Variants in PI4K2A observed in about 807,000 individuals in gnomAD.
PI4K2A encodes phosphatidylinositol 4-kinase type 2-alpha.
A neutral mutation model predicts 55.0 loss-of-function variants in PI4K2A; 20 were observed. That is an observed-to-expected ratio of 0.36 (90% CI 0.26 to 0.53). PI4K2A has a LOEUF of 0.53. Among genes scored for constraint, PI4K2A ranks in the 20% least tolerant of loss-of-function variants. The pLI, the probability that PI4K2A is intolerant of heterozygous loss-of-function variation, is 0.91. For synonymous variants in PI4K2A, 235 were observed against 258.5 expected, an observed-to-expected ratio of 0.91 and a Z score of 0.87; for missense variants, 463 against 637.1, an observed-to-expected ratio of 0.73 and a Z score of 2.94.
intron 1 of PI4K2A, among the ~76,000 whole-genome samples, chr10:97,643,182 C>T (rs1049288541): frequency 2.0e-5 from 3 of 151,736 alleles, no homozygotes; most frequent in South Asian, 2.1e-4. Flanking sequence ...ACAAGAGTCT[C>T]GCCATGTTGC....
At chr10:97,642,559 C>T (rs1252648888) in intron 1 of PI4K2A, among the ~76,000 whole-genome samples, 1 of 151,856 alleles carries the variant, frequency 6.6e-6, no homozygotes, top group Non-Finnish European at 1.5e-5. Context: ...CACCACCACA[C>T]CCAGCTAATT....
intron 5 of PI4K2A, among the ~76,000 whole-genome samples, chr10:97,663,688 C>T (rs2041597178): frequency 6.6e-6 from 1 of 151,294 alleles, no homozygotes; most frequent in Non-Finnish European, 1.5e-5. Flanking sequence ...GGCATGATGG[C>T]GGGAGCTTGT....
exon 9 of PI4K2A, chr10:97,676,367 ACT>A (rs1159832926): frequency 6.6e-6 from 1 of 152,192 alleles, no homozygotes; most frequent in Non-Finnish European, 1.5e-5. Context: ...ATGGTTCCCT[ACT>A]AGGGATTATA....
intron 4 of PI4K2A, among the ~76,000 whole-genome samples, chr10:97,660,247 C>T (rs35997661): frequency 0.17 from 24,992 of 145,342 alleles, 2,317 homozygotes; most frequent in Non-Finnish European, 0.21. Context: ...GTGATCTGCC[C>T]GCCTTGGCCT....
At chr10:97,640,799 C>T in exon 1 of PI4K2A, 2 of 1,491,298 alleles carry the variant, frequency 1.3e-6, no homozygotes, top group Non-Finnish European at 1.8e-6. Context: ...CGGACTACAC[C>T]TTCCCGTCGG....
At chr10:97,658,633 T>A (rs2041567039) in intron 4 of PI4K2A, among the ~76,000 whole-genome samples, 1 of 152,256 alleles carries the variant, frequency 6.6e-6, no homozygotes, top group Non-Finnish European at 1.5e-5. Context: ...CCACAGCAGC[T>A]GTGCCATTTT....
intron 1 of PI4K2A, among the ~76,000 whole-genome samples, chr10:97,642,869 CTTT>C (rs1564772336): frequency 4.0e-4 from 37 of 93,410 alleles, no homozygotes; most frequent in Non-Finnish European, 6.4e-4. Context: ...CTTTCTTTTT[CTTT>C]CTTTCTTTCT....
At chr10:97,663,073 G>A in intron 5 of PI4K2A, 105 bp downstream of exon 5, 2 of 791,234 alleles carry the variant, frequency 2.5e-6, no homozygotes, top group South Asian at 2.9e-5. Context: ...GAAGAATCGG[G>A]GGGCGCATAT....
chr10:97,651,057 T>C, exon 2 of PI4K2A: 4 of 1,614,158 alleles, frequency 2.5e-6, no homozygotes, highest in Non-Finnish European at 3.4e-6. Context: ...GTGACTGCCT[T>C]GTCCTTAACC....
At chr10:97,658,624 C>T (rs2041566996) in intron 4 of PI4K2A, among the ~76,000 whole-genome samples, 1 of 152,148 alleles carries the variant, frequency 6.6e-6, no homozygotes, top group Non-Finnish European at 1.5e-5. Context: ...TACTGTTTTC[C>T]ACAGCAGCTG....
chr10:97,644,998 G>T (rs1279431969), intron 1 of PI4K2A, among the ~76,000 whole-genome samples: 1 of 152,112 alleles, frequency 6.6e-6, no homozygotes, highest in African/African-American at 2.4e-5. Context: ...GATGGAAAAT[G>T]CTAGAAGTCA....
exon 9 of PI4K2A, chr10:97,673,724 C>T (rs1309785352): frequency 1.2e-6 from 2 of 1,613,920 alleles, no homozygotes; most frequent in African/African-American, 1.3e-5. Context: ...GCCGGAAGCC[C>T]TTCTTTTCAT....
chr10:97,666,491 A>C, exon 7 of PI4K2A: 2 of 1,613,448 alleles, frequency 1.2e-6, no homozygotes, highest in Non-Finnish European at 1.7e-6. Flanking sequence ...TTCTCAGGAG[A>C]TCAAAGATCT....
intron 1 of PI4K2A, among the ~76,000 whole-genome samples, chr10:97,647,711 C>T (rs1300903632): frequency 6.6e-6 from 1 of 151,742 alleles, no homozygotes; most frequent in Non-Finnish European, 1.5e-5. Context: ...CTCCATTCTT[C>T]ATACTCTAAC....
At chr10:97,658,235 G>A (rs189424796) in intron 4 of PI4K2A, among the ~76,000 whole-genome samples, 33 of 152,230 alleles carry the variant, frequency 2.2e-4, no homozygotes, top group Non-Finnish European at 4.4e-4. Context: ...TCTGTTTTCT[G>A]TTTCTATGAT....
At chr10:97,655,483 G>C (rs1424477411) in intron 2 of PI4K2A, among the ~76,000 whole-genome samples, 1 of 152,070 alleles carries the variant, frequency 6.6e-6, no homozygotes, top group African/African-American at 2.4e-5. Context: ...TCTAACCCAG[G>C]AGATGACAGT....
chr10:97,651,406 T>A (rs1294621507), intron 2 of PI4K2A, among the ~76,000 whole-genome samples: 2 of 152,218 alleles, frequency 1.3e-5, no homozygotes, highest in African/African-American at 4.8e-5. Flanking sequence ...ATGGCTCCCT[T>A]GGTCTTTGAA....
chr10:97,666,696 G>A (rs964554635), intron 7 of PI4K2A, 125 bp downstream of exon 7: 16 of 783,458 alleles, frequency 2.0e-5, no homozygotes, highest in Admixed American at 2.0e-4. Context: ...GTTAGCCAAC[G>A]AATAGCAAGA....
chr10:97,657,582 C>T (rs903641037), intron 4 of PI4K2A, among the ~76,000 whole-genome samples: 3 of 151,080 alleles, frequency 2.0e-5, no homozygotes, highest in Non-Finnish European at 2.9e-5. Flanking sequence ...GTGGGAGAAT[C>T]GCTTGAACCT....
Sources: allele counts gnomAD v4.1 joint callset (sites outside exome capture counted in the v4.1 genomes callset), GRCh38; gene constraint gnomAD v4.1.1; transcripts MANE v1.5; gene names NCBI Gene and HGNC (gene_info 2026-07-23, HGNC 2026-07-21).